The following FOXJ3 variants were observed in gnomAD, a reference collection of about 807,000 sequenced individuals.
FOXJ3 encodes forkhead box J3.
FOXJ3 carries 22 observed loss-of-function variants against 76.1 expected under a neutral mutation model. The observed-to-expected ratio is 0.29, with a 90% CI of 0.21 to 0.41. FOXJ3 has a LOEUF of 0.41. FOXJ3 is among the 10% of genes least tolerant of loss of function. The probability of loss-of-function intolerance (pLI) is 1.00; values close to 1 mark genes in which losing one functional copy is unlikely to be tolerated. For missense variants in FOXJ3, 613 were observed against 762.1 expected, an observed-to-expected ratio of 0.80 and a Z score of 2.30; for synonymous variants, 269 against 261.2, an observed-to-expected ratio of 1.03 and a Z score of -0.29.
chr1:42,186,461 T>G (rs181660996), intron 11 of FOXJ3, among the ~76,000 whole-genome samples: 1 of 152,008 alleles, frequency 6.6e-6, no homozygotes, highest in Non-Finnish European at 1.5e-5. Context: ...GTGACTAGGG[T>G]AGCACTGAGA....
At chr1:42,324,835 A>C (rs1019350327) in intron 1 of FOXJ3, among the ~76,000 whole-genome samples, 1 of 152,202 alleles carries the variant, frequency 6.6e-6, no homozygotes, top group African/African-American at 2.4e-5. Flanking sequence ...AGAGTGAGTG[A>C]GTGATGAGTG....
intron 8 of FOXJ3, among the ~76,000 whole-genome samples, chr1:42,192,327 A>G (rs1390048257): frequency 6.6e-6 from 1 of 152,214 alleles, no homozygotes; most frequent in Non-Finnish European, 1.5e-5. Flanking sequence ...TCCAGCACAA[A>G]TATCTCAGTT....
intron 2 of FOXJ3, among the ~76,000 whole-genome samples, chr1:42,295,728 G>A (rs1221406872): frequency 2.0e-5 from 3 of 151,866 alleles, no homozygotes; most frequent in Non-Finnish European, 2.9e-5. Flanking sequence ...AAGGTTTCAC[G>A]ATGTTGGCCA....
At chr1:42,276,742 T>C (rs1652292717) in intron 3 of FOXJ3, among the ~76,000 whole-genome samples, 1 of 152,236 alleles carries the variant, frequency 6.6e-6, no homozygotes, top group South Asian at 2.1e-4. Context: ...TGAAGAAACC[T>C]GGCAGACATC....
chr1:42,224,268 T>C (rs1284706530), intron 5 of FOXJ3, among the ~76,000 whole-genome samples: 1 of 152,142 alleles, frequency 6.6e-6, no homozygotes, highest in Non-Finnish European at 1.5e-5. Context: ...GACCATTATA[T>C]GATTAAAAAA....
intron 1 of FOXJ3, among the ~76,000 whole-genome samples, chr1:42,321,379 T>C (rs1230024896): frequency 6.6e-6 from 1 of 152,100 alleles, no homozygotes; most frequent in Non-Finnish European, 1.5e-5. Context: ...GATGAGCAAT[T>C]GGTAACATGA....
intron 2 of FOXJ3, among the ~76,000 whole-genome samples, chr1:42,309,949 A>G (rs906617024): frequency 3.9e-5 from 6 of 152,228 alleles, no homozygotes; most frequent in African/African-American, 1.4e-4. Context: ...ATCTGAAACC[A>G]CTGTGTTGTA....
At chr1:42,263,930 C>CTTTTTTT (rs61375062) in intron 4 of FOXJ3, among the ~76,000 whole-genome samples, 4 of 71,396 alleles carry the variant, frequency 5.6e-5, no homozygotes, top group African/African-American at 2.0e-4. Context: ...AGTAGGTTAA[C>CTTTTTTT]TTTTTTTTTT....
Position 42,286,808 on chromosome 1 carries a change from A to G in FOXJ3, c.45-8136T>C, listed in dbSNP as rs1010201591. Among the ~76,000 whole-genome samples, 11 of 151,074 alleles carry G rather than the reference A, an allele frequency of 7.3e-5. 1 individual carries two copies. The highest frequency in any genetic ancestry group is 6.6e-4 in the Admixed American group (10 of 15,202). ...GCCACCACGCCCGGTTAAATTTTCTATTTCTAGTAGAGACGGGGTTTCACC... is the reference window on the plus strand; with the variant it reads ...GCCACCACGCCCGGTTAAATTTTCTGTTTCTAGTAGAGACGGGGTTTCACC... On this transcript the variant is annotated intron_variant, in intron 2 of 12. Coordinates refer to ENST00000361346, the MANE Select transcript of FOXJ3 (RefSeq NM_014947.5).
chr1:42,281,989 A>G (rs1652751223), intron 2 of FOXJ3, among the ~76,000 whole-genome samples: 2 of 151,630 alleles, frequency 1.3e-5, no homozygotes, highest in South Asian at 4.2e-4. Context: ...AACCCAGGAG[A>G]TGAAGGTTGC....
chr1:42,283,128 T>C (rs1652834401), intron 2 of FOXJ3, among the ~76,000 whole-genome samples: 1 of 152,094 alleles, frequency 6.6e-6, no homozygotes, highest in Non-Finnish European at 1.5e-5. Context: ...AAAGAAACCA[T>C]TCTACCAGAA....
chr1:42,292,965 G>A (rs1276398096), intron 2 of FOXJ3, among the ~76,000 whole-genome samples: 1 of 152,074 alleles, frequency 6.6e-6, no homozygotes, highest in African/African-American at 2.4e-5. Context: ...GCCAGGTGTG[G>A]TGGTGGGCAC....
intron 3 of FOXJ3, among the ~76,000 whole-genome samples, chr1:42,267,411 T>C (rs1209532820): frequency 6.6e-6 from 1 of 152,010 alleles, no homozygotes; most frequent in African/African-American, 2.4e-5. Flanking sequence ...ATACTGAAGA[T>C]AAAGACATAA....
intron 5 of FOXJ3, among the ~76,000 whole-genome samples, chr1:42,216,851 G>A (rs1647079944): frequency 6.6e-6 from 1 of 152,086 alleles, no homozygotes; most frequent in South Asian, 2.1e-4. Context: ...CTAAAAGAAG[G>A]CAGGAAAAGG....
intron 4 of FOXJ3, among the ~76,000 whole-genome samples, chr1:42,240,396 G>A (rs1481934234): frequency 6.6e-6 from 1 of 152,154 alleles, no homozygotes; most frequent in Non-Finnish European, 1.5e-5. Context: ...AAGGAACCCA[G>A]AATAGCCAAA....
At chr1:42,279,096 A>T (rs1198427251) in intron 2 of FOXJ3, among the ~76,000 whole-genome samples, 1 of 152,212 alleles carries the variant, frequency 6.6e-6, no homozygotes, top group Non-Finnish European at 1.5e-5. Flanking sequence ...CACAAATTTT[A>T]GGAGAGTCAT....
intron 2 of FOXJ3, among the ~76,000 whole-genome samples, chr1:42,286,656 C>T (rs561886694): frequency 7.9e-5 from 12 of 152,134 alleles, no homozygotes; most frequent in South Asian, 6.2e-4. Context: ...TTTTTTGAGA[C>T]GGAGTTTCAC....
chr1:42,288,928 G>A (rs1653239446), intron 2 of FOXJ3, among the ~76,000 whole-genome samples: 1 of 152,056 alleles, frequency 6.6e-6, no homozygotes, highest in Admixed American at 6.5e-5. Flanking sequence ...TTGGCAAAGG[G>A]TTTTTTAAAG....
At chr1:42,238,955 T>C (rs1648916321) in intron 4 of FOXJ3, among the ~76,000 whole-genome samples, 1 of 152,240 alleles carries the variant, frequency 6.6e-6, no homozygotes. Context: ...TCCATTCATG[T>C]AGATCTGCCC....
Sources: allele counts gnomAD v4.1 joint callset (sites outside exome capture counted in the v4.1 genomes callset), GRCh38; gene constraint gnomAD v4.1.1; transcripts MANE v1.5; gene names NCBI Gene and HGNC (gene_info 2026-07-23, HGNC 2026-07-21).